GPC6: variants seen among roughly 807,000 people sequenced by gnomAD.
The protein encoded by GPC6 is glypican 6, also known as glypican-6.
In GPC6, 14 loss-of-function variants were observed where a neutral mutation model predicts 55.2. The ratio of observed to expected loss-of-function variants is 0.25; its 90% CI spans 0.17 to 0.40. The LOEUF is 0.40. Among genes scored for constraint, GPC6 ranks in the 10% least tolerant of loss-of-function variants. The pLI is 1.00. For missense variants in GPC6, 641 were observed against 708.5 expected, an observed-to-expected ratio of 0.90 and a Z score of 1.08; for synonymous variants, 278 against 259.6, an observed-to-expected ratio of 1.07 and a Z score of -0.68.
intron 2 of GPC6, among the ~76,000 whole-genome samples, chr13:93,801,056 G>A (rs1886352856): frequency 6.6e-6 from 1 of 152,184 alleles, no homozygotes; most frequent in Admixed American, 6.5e-5. Flanking sequence ...CCAACAGATC[G>A]ATAGAGACTG....
intron 1 of GPC6, among the ~76,000 whole-genome samples, chr13:93,292,049 T>C (rs1878336018): frequency 1.3e-5 from 2 of 152,224 alleles, no homozygotes; most frequent in Admixed American, 1.3e-4. Flanking sequence ...GGTTTAGGAA[T>C]TCTAATTTGT....
At chr13:94,346,460 C>T (rs1201125095) in intron 6 of GPC6, among the ~76,000 whole-genome samples, 2 of 152,148 alleles carry the variant, frequency 1.3e-5, no homozygotes, top group Non-Finnish European at 2.9e-5. Context: ...CGGTGGCTCA[C>T]GCCTCTAATC....
At chr13:93,927,661 T>C (rs1877930090) in intron 3 of GPC6, among the ~76,000 whole-genome samples, 1 of 149,276 alleles carries the variant, frequency 6.7e-6, no homozygotes, top group Non-Finnish European at 1.5e-5. Context: ...TTACTTAATC[T>C]GTCTTAGCTT....
chr13:93,777,736 A>C (rs1218617792), intron 2 of GPC6, among the ~76,000 whole-genome samples: 1 of 152,198 alleles, frequency 6.6e-6, no homozygotes, highest in Non-Finnish European at 1.5e-5. Flanking sequence ...TGCCTGGTGC[A>C]TGCTGAATCA....
intron 2 of GPC6, among the ~76,000 whole-genome samples, chr13:93,592,210 A>AG (rs1338342951): frequency 1.3e-5 from 2 of 151,450 alleles, no homozygotes; most frequent in Non-Finnish European, 2.9e-5. Flanking sequence ...TTTGAACTGG[A>AG]GTGTTGCTCT....
intron 1 of GPC6, among the ~76,000 whole-genome samples, chr13:93,372,330 G>A (rs1416996329): frequency 6.6e-6 from 1 of 151,914 alleles, no homozygotes; most frequent in Admixed American, 6.6e-5. Context: ...GGTCTTGGCT[G>A]TTACAAACCA....
chr13:94,350,192 CT>C (rs1878476563), intron 6 of GPC6, among the ~76,000 whole-genome samples: 1 of 152,104 alleles, frequency 6.6e-6, no homozygotes, highest in African/African-American at 2.4e-5. Flanking sequence ...CATCGTGCCC[CT>C]GTCAGTGGAA....
At chr13:94,175,426 G>A (rs975549064) in intron 4 of GPC6, among the ~76,000 whole-genome samples, 14 of 152,208 alleles carry the variant, frequency 9.2e-5, no homozygotes, top group Admixed American at 4.6e-4. Context: ...TATGGTGTTC[G>A]TTGTAGGAAT....
intron 4 of GPC6, among the ~76,000 whole-genome samples, chr13:94,168,282 T>C (rs1032566862): frequency 2.0e-5 from 3 of 152,292 alleles, no homozygotes; most frequent in African/African-American, 7.2e-5. Flanking sequence ...GGCTTATCAC[T>C]CTCTGCTATC....
chr13:93,841,943 C>T (rs751795129), intron 3 of GPC6, among the ~76,000 whole-genome samples: 13 of 152,040 alleles, frequency 8.6e-5, no homozygotes, highest in Admixed American at 2.0e-4. Flanking sequence ...ACATTAATTA[C>T]GGAAACATTA....
At chr13:94,295,035 C>G (rs895579279) in intron 5 of GPC6, among the ~76,000 whole-genome samples, 2 of 152,142 alleles carry the variant, frequency 1.3e-5, no homozygotes, top group African/African-American at 4.8e-5. Context: ...GCCAGAGAGA[C>G]TTCCAGCGAT....
At chr13:93,766,137 T>G (rs1283785601) in intron 2 of GPC6, among the ~76,000 whole-genome samples, 1 of 152,204 alleles carries the variant, frequency 6.6e-6, no homozygotes, top group Non-Finnish European at 1.5e-5. Flanking sequence ...CAGTACAGAT[T>G]TCTGTTCCTA....
chr13:94,224,741 A>G (rs1375844748), intron 4 of GPC6, among the ~76,000 whole-genome samples: 1 of 152,070 alleles, frequency 6.6e-6, no homozygotes, highest in African/African-American at 2.4e-5. Context: ...CCTCATAATA[A>G]GCAGATGTTA....
chr13:93,941,302 G>GCAGATTT (rs1878723845), intron 3 of GPC6, among the ~76,000 whole-genome samples: 1 of 152,192 alleles, frequency 6.6e-6, no homozygotes, highest in African/African-American at 2.4e-5. Flanking sequence ...AGTGGATGCA[G>GCAGATTT]CAGATTTTTT....
chr13:93,277,390 A>G (rs1384542503), intron 1 of GPC6, among the ~76,000 whole-genome samples: 2 of 152,228 alleles, frequency 1.3e-5, no homozygotes, highest in African/African-American at 4.8e-5. Context: ...ATGTCAAGGA[A>G]AGTGCTTTAT....
intron 6 of GPC6, among the ~76,000 whole-genome samples, chr13:94,364,177 TTC>T (rs894156149): frequency 1.3e-5 from 2 of 152,224 alleles, no homozygotes; most frequent in Admixed American, 6.5e-5. Flanking sequence ...ACAAGTTGTT[TTC>T]TCTCTCACTG....
intron 3 of GPC6, among the ~76,000 whole-genome samples, chr13:93,877,670 G>T (rs1024783003): frequency 1.3e-5 from 2 of 152,020 alleles, no homozygotes. Context: ...TATCAAGTTT[G>T]TCTTTAATGG....
intron 2 of GPC6, among the ~76,000 whole-genome samples, chr13:93,695,372 T>C (rs1290322355): frequency 1.3e-5 from 2 of 151,970 alleles, no homozygotes; most frequent in Non-Finnish European, 2.9e-5. Flanking sequence ...AAAGCACTTC[T>C]ATTCATTTTT....
intron 1 of GPC6, among the ~76,000 whole-genome samples, chr13:93,252,602 A>G (rs1876823875): frequency 6.6e-6 from 1 of 152,092 alleles, no homozygotes; most frequent in South Asian, 2.1e-4. Flanking sequence ...TTGTCTCTTT[A>G]TTAGGTAACT....
Sources: allele counts gnomAD v4.1 joint callset (sites outside exome capture counted in the v4.1 genomes callset), GRCh38; gene constraint gnomAD v4.1.1; transcripts MANE v1.5; gene names NCBI Gene and HGNC (gene_info 2026-07-23, HGNC 2026-07-21).